The following MYOM1 variants were observed in gnomAD, a reference collection of about 807,000 sequenced individuals.
MYOM1 encodes the protein myomesin-1.
In MYOM1, 164 loss-of-function variants were observed where a neutral mutation model predicts 205.3. The ratio of observed to expected loss-of-function variants is 0.80; its 90% CI spans 0.70 to 0.91. The LOEUF (loss-of-function observed/expected upper bound fraction) is 0.91. Among genes scored for constraint, MYOM1 ranks in the 40% least tolerant of loss-of-function variants. The probability of loss-of-function intolerance (pLI) is 0.00; values close to 1 mark genes in which losing one functional copy is unlikely to be tolerated. For synonymous variants in MYOM1, 772 were observed against 789.4 expected, an observed-to-expected ratio of 0.98 and a Z score of 0.37; for missense variants, 2,011 against 2,127.3, an observed-to-expected ratio of 0.95 and a Z score of 1.08.
chr18:3,081,144 AAG>A (rs1044004704), intron 33 of MYOM1, among the ~76,000 whole-genome samples: 1 of 151,612 alleles, frequency 6.6e-6, no homozygotes, highest in Admixed American at 6.6e-5. Context: ...AAAAAAAAAA[AAG>A]AGAGAGAGTT....
intron 27 of MYOM1, 74 bp downstream of exon 27, chr18:3,090,584 A>G (rs1274174761): frequency 6.4e-7 from 1 of 1,556,256 alleles, no homozygotes; most frequent in African/African-American, 1.4e-5. Context: ...TCAAATAACA[A>G]CTTTTGTGCC....
Position 3,075,776 on chromosome 18 carries a change from A to C in MYOM1, c.4649-15T>G, listed in dbSNP as rs375269361. On this transcript the variant is annotated splice_polypyrimidine_tract_variant and intron_variant, in intron 34 of 37. Coordinates refer to ENST00000356443, the MANE Select transcript of MYOM1 (RefSeq NM_003803.4). The stretch of plus-strand genomic sequence containing the variant: ...CTCATCGTATGCTTTAAAAGAAAAA[A>C]GAAAAGTTAGAATTTTCTCACCCAG... The C allele has an allele frequency of 3.7e-5, 58 of 1,568,418 alleles. No homozygotes were observed. The highest frequency in any genetic ancestry group is 4.8e-5 in the Non-Finnish European group (56 of 1,155,242).
intron 22 of MYOM1, among the ~76,000 whole-genome samples, chr18:3,106,654 T>C (rs1442140584): frequency 6.6e-6 from 1 of 152,122 alleles, no homozygotes; most frequent in African/African-American, 2.4e-5. Context: ...AGACTCTGTA[T>C]CTACAAAAAA....
Position 3,168,967 on chromosome 18 carries a change from A to G in MYOM1, c.1189T>C (p.Tyr397His). ...ATCTCAAACCGGGATGCATAACCAT[A>G]TGGGGTCACACCAACTGGGTACAAA... ...TMPLSFGVTP[Y>H]GYASRFEIHF... Residue 397 changes from tyrosine (Y) to histidine (H), a missense_variant, in exon 9 of 38, where the codon TAT becomes CAT. Tyr to His is a moderately conservative substitution (Grantham distance 83, BLOSUM62 2). Transcript: ENST00000356443. 1 of 1,612,672 alleles carries G rather than the reference A, an allele frequency of 6.2e-7. No individual in the cohort carries two copies. Among genetic ancestry groups the G allele is most frequent in the Non-Finnish European group, 8.5e-7 (1 of 1,179,286 alleles).
intron 22 of MYOM1, among the ~76,000 whole-genome samples, chr18:3,105,784 G>C (rs565844475): frequency 5.3e-5 from 8 of 152,338 alleles, no homozygotes; most frequent in Non-Finnish European, 1.0e-4. Context: ...GGACCTGAGA[G>C]ACGGAGGTTG....
In MYOM1 at chr18:3,119,881, T is replaced by C. The variant is rs2079659653; in HGVS notation, c.3106A>G (p.Ile1036Val). 1 of 1,607,400 alleles carries C rather than the reference T, an allele frequency of 6.2e-7. No homozygotes were observed. The highest frequency in any genetic ancestry group is 8.5e-7 in the Non-Finnish European group (1 of 1,175,632). ...GTCTGTGGTTTACCTGGGACGGCGA[T>C]GGTCCACTCTTCACATTTGAAGCAT... ...SECFKCEEWT[I>V]AVPGPPHSLK... Residue 1036 changes from isoleucine (I) to valine (V), a missense_variant, in exon 20 of 38, where the codon ATC becomes GTC. By Grantham distance (29) the Ile-to-Val change is conservative. Coordinates refer to ENST00000356443, the MANE Select transcript of MYOM1 (RefSeq NM_003803.4).
the MYOM1 span, among the ~76,000 whole-genome samples, chr18:3,238,403 C>T: frequency 6.5e-3 from 984 of 151,872 alleles, 16 homozygotes; most frequent in African/African-American, 0.023. Context: ...GTGTTGGGGA[C>T]CCCTGCACTG....
intron 2 of MYOM1, among the ~76,000 whole-genome samples, chr18:3,199,686 A>T (rs550000191): frequency 5.3e-4 from 80 of 152,284 alleles, no homozygotes; most frequent in Admixed American, 5.2e-3. Flanking sequence ...CTAAAAATAC[A>T]AAAATTAGCT....
In MYOM1 at chr18:3,148,844, CAAAAAAAAAAAA is replaced by C. The variant is rs71159049; in HGVS notation, c.1900+289_1900+300del. ...CTGGGCGACAGAGCGAGACTCCATC[CAAAAAAAAAAAA>C]AAAAAAAAAAAAAAAAGAAAATGGT... is the stretch of plus-strand genomic sequence containing the variant. On this transcript the variant is annotated intron_variant, in intron 13 of 37. Coordinates refer to ENST00000356443, the MANE Select transcript of MYOM1 (RefSeq NM_003803.4). Among the ~76,000 whole-genome samples the C allele has an allele frequency of 4.4e-4, 21 of 47,944 alleles. No homozygotes were observed. The South Asian group carries it at 4.7e-3, about 11-fold the overall frequency. The allele number at this position is 47,944 out of a possible 152,430, so 31.5% of individuals were successfully genotyped here.
rs1185081433 is a variant in MYOM1 at position 3,193,335 on chromosome 18, T to C, written c.431+483A>G. Among the ~76,000 whole-genome samples the C allele has an allele frequency of 7.1e-5, 10 of 140,420 alleles. No homozygotes were observed. In the Admixed American group the frequency reaches 7.1e-4, roughly 10 times the overall value. The allele number at this position is 140,420 out of a possible 152,430, so 92.1% of individuals were successfully genotyped here. ...ATATGTATATGTACATATACATATA[T>C]ATGTACATATACATATATATATATA... On this transcript the variant is annotated intron_variant, in intron 3 of 37. Coordinates refer to ENST00000356443, the MANE Select transcript of MYOM1 (RefSeq NM_003803.4).
At chr18:3,147,149 TA>T (rs1336898406) in intron 13 of MYOM1, among the ~76,000 whole-genome samples, 2 of 141,552 alleles carry the variant, frequency 1.4e-5, no homozygotes, top group African/African-American at 5.5e-5. Flanking sequence ...TAAATATATA[TA>T]TTATATAGAA....
chr18:3,136,209 A>G (rs1218998659), intron 14 of MYOM1, among the ~76,000 whole-genome samples: 1 of 152,168 alleles, frequency 6.6e-6, no homozygotes, highest in East Asian at 1.9e-4. Context: ...CTGTGAGTCC[A>G]TTAAACCTCT....
At position 3,209,226 on chromosome 18, in the gene MYOM1, C is replaced by T. The variant is rs4340411; in HGVS notation, c.290+5708G>A. Among the ~76,000 whole-genome samples, 26,056 of 152,134 alleles carry T rather than the reference C, an allele frequency of 0.17. 2,501 individuals are homozygous for T. Among genetic ancestry groups the T allele is most frequent in the East Asian group, 0.32 (1,648 of 5,160 alleles). The stretch of plus-strand genomic sequence containing the variant: ...ATTCATTGTATGCGCAAAATCTCCA[C>T]AGACCATTTCACAGCCTCAAAACTC... On this transcript the variant is annotated intron_variant, in intron 2 of 37. Coordinates refer to ENST00000356443, the MANE Select transcript of MYOM1 (RefSeq NM_003803.4). This position sits in a 1 kb window ranked among gnomAD's most constrained non-coding sequence, Gnocchi z 4.0.
At chr18:3,088,717 G>A (rs1324300443) in intron 29 of MYOM1, among the ~76,000 whole-genome samples, 5 of 152,112 alleles carry the variant, frequency 3.3e-5, no homozygotes, top group Non-Finnish European at 7.4e-5. Flanking sequence ...TTGGTTGTGA[G>A]CTGCCAACTC....
At chr18:3,182,354 A>G (rs1292443578) in intron 5 of MYOM1, among the ~76,000 whole-genome samples, 4 of 152,340 alleles carry the variant, frequency 2.6e-5, no homozygotes, top group Admixed American at 1.3e-4. Context: ...TGATGGGTGC[A>G]GTACACCAAC....
chr18:3,243,728 A>C, the MYOM1 span, among the ~76,000 whole-genome samples: 1 of 152,214 alleles, frequency 6.6e-6, no homozygotes, highest in Non-Finnish European at 1.5e-5. Flanking sequence ...CCTTTTGGGA[A>C]ACCTGTGCAG....
rs1223317042 is a variant in MYOM1, at chr18:3,127,167, T to C, written c.2795-270A>G. Among the ~76,000 whole-genome samples, 2 of 151,450 alleles carry C rather than the reference T, an allele frequency of 1.3e-5. 1 individual carries two copies. The highest frequency in any genetic ancestry group is 4.9e-5 in the African/African-American group (2 of 41,202). The stretch of plus-strand genomic sequence containing the variant: ...TGATTCTTTTCCCCATAAGAAGAAA[T>C]ATTTTTCCCAAGGTATAATTTTTGT... On this transcript the variant is annotated intron_variant, in intron 18 of 37. Transcript: ENST00000356443.
chr18:3,098,791 G>T (rs2079339846), intron 25 of MYOM1, among the ~76,000 whole-genome samples: 1 of 152,190 alleles, frequency 6.6e-6, no homozygotes, highest in Non-Finnish European at 1.5e-5. Flanking sequence ...CCTCACTCAT[G>T]ATATTACTTT....
rs779671001 is a variant in MYOM1 at position 3,129,259 on chromosome 18, C to G, written c.2767G>C (p.Asp923His). ...KAAPQGKSKSDPLKKKTDRAP... is the reference protein window; with the variant it reads ...KAAPQGKSKSHPLKKKTDRAP... ...CTGTCTGTCTTCTTTTTCAGGGGGT[C>G]AGACTTACTTTTCCCCTGAGGAGCC... is the stretch of plus-strand genomic sequence containing the variant. The change falls in exon 18 of 38, where the codon GAC (aspartate) becomes CAC (histidine). Residue 923 changes from aspartate to histidine, a missense_variant. Physicochemically the swap from Asp to His is moderately conservative, Grantham distance 81 (BLOSUM62 -1). Transcript: ENST00000356443. 2 of 1,613,860 alleles carry G rather than the reference C, an allele frequency of 1.2e-6. No homozygotes were observed. The highest frequency in any genetic ancestry group is 3.3e-5 in the Admixed American group (2 of 60,004).
Sources: gnomAD v4.1 joint callset for allele counts (sites outside exome capture counted in the v4.1 genomes callset) on GRCh38, gnomAD v4.1.1 for gene constraint, Gnocchi (gnomAD v3.1) non-coding constraint, MANE v1.5 for transcripts, NCBI Gene and HGNC (gene_info 2026-07-23, HGNC 2026-07-21) for gene names.